Variants in SPON2 observed in about 807,000 individuals in gnomAD.
The protein encoded by SPON2 is spondin-2.
Under a neutral mutation model 29.9 loss-of-function variants are expected in SPON2, and 32 were observed. The ratio of observed to expected loss-of-function variants is 1.07; its 90% CI spans 0.81 to 1.44. The LOEUF (loss-of-function observed/expected upper bound fraction) is 1.44. Ranked by LOEUF, SPON2 falls within the 40% of genes most tolerant of loss-of-function variation. SPON2 has a pLI of 0.00. For missense variants in SPON2, 541 were observed against 455.5 expected (o/e 1.19, Z -1.71); for synonymous variants, 248 against 209.1 (o/e 1.19, Z -1.61).
At chr4:1,172,195 C>T (rs1184034912) in intron 1 of SPON2, 121 bp from the exon 2 acceptor site, 4 of 800,246 alleles carry the variant, frequency 5.0e-6, no homozygotes, top group Admixed American at 2.6e-5. Flanking sequence ...GCGACCCCCT[C>T]CCTGCTCCGC....
At chr4:1,196,838 T>G (rs1728080619), upstream of SPON2, 1 of 152,184 alleles carries the variant, frequency 6.6e-6, no homozygotes, top group African/African-American at 2.4e-5. Context: ...TCATCCATAC[T>G]CATTATCCAG....
rs758980915 is a variant in SPON2 at position 1,171,267 on chromosome 4, G to A, written c.440C>T (p.Ser147Leu). The A allele has an allele frequency of 8.0e-6, 12 of 1,508,260 alleles. No individual in the cohort carries two copies. Among genetic ancestry groups the A allele is most frequent in the Non-Finnish European group, 9.7e-6 (11 of 1,135,930 alleles). 93.4% of individuals were successfully genotyped at this position (1,508,260 alleles called of 1,614,324 possible). ...CCCGGCCGGCCCCGCGCTCACCAGC[G>A]AGTGCCTGCGCTGCACCTCCAGCTC... ...SAELEVQRRH[S>L]LVSFVVRIVP... Residue 147 changes from serine to leucine, a missense_variant, in exon 3 of 6, where the codon TCG (serine) becomes TTG (leucine). Coordinates refer to ENST00000290902, the MANE Select transcript of SPON2 (RefSeq NM_012445.4).
upstream of SPON2, chr4:1,195,186 G>T (rs1728036851): frequency 6.6e-6 from 1 of 152,264 alleles, no homozygotes; most frequent in African/African-American, 2.4e-5. Flanking sequence ...CCTGGGCTCT[G>T]CCCCCACCGC....
chr4:1,184,432 C>T (rs192901632), intron 1 of SPON2, among the ~76,000 whole-genome samples: 68 of 152,106 alleles, frequency 4.5e-4, no homozygotes, highest in African/African-American at 1.6e-3. Flanking sequence ...AAAGGGATTC[C>T]AAGCAAACCA....
At chr4:1,177,913 C>T (rs1197617216), upstream of SPON2, among the ~76,000 whole-genome samples, 2 of 152,212 alleles carry the variant, frequency 1.3e-5, no homozygotes, top group African/African-American at 4.8e-5. Flanking sequence ...GTTTCTGGCT[C>T]CCCCAAGGGA....
intron 1 of SPON2, among the ~76,000 whole-genome samples, chr4:1,182,103 A>T (rs1727710511): frequency 6.6e-6 from 1 of 152,216 alleles, no homozygotes. Flanking sequence ...ACAAAAAGCA[A>T]CAAACCCCAG....
At position 1,189,988 on chromosome 4, in the gene SPON2, TC is replaced by T. The variant is rs1449502837; in HGVS notation, c.-239+5001del. On this transcript the variant is annotated intron_variant, in intron 1 of 3. Coordinates refer to the SPON2 transcript ENST00000502483. ...CTGGGTGACAGAGTGAGACTCCATC[TC>T]AAAAAAAAAAAAAAAAAAGTTGGTT... 1.2e-3 allele frequency among the ~76,000 whole-genome samples: 139 copies of T among 113,750 alleles called. 1 individual carries two copies. Among genetic ancestry groups the T allele is most frequent in the South Asian group, 5.6e-3 (21 of 3,740 alleles). The allele number at this position is 113,750 out of a possible 152,430, so 74.6% of individuals were successfully genotyped here. A position where few individuals can be genotyped will look rare whatever the true frequency, so the allele number is the denominator to read the frequency against.
intron 2 of SPON2, 43 bp from the exon 3 acceptor site, chr4:1,171,529 T>A (rs1225972235): frequency 2.5e-6 from 4 of 1,584,068 alleles, no homozygotes; most frequent in Non-Finnish European, 3.5e-6. Context: ...GGTCAGACAC[T>A]GCGGTCGGGC....
upstream of SPON2, among the ~76,000 whole-genome samples, chr4:1,173,389 GA>G (rs1727524247): frequency 6.6e-6 from 1 of 152,170 alleles, no homozygotes; most frequent in East Asian, 1.9e-4. Context: ...AAGAGCCACA[GA>G]AAGGGGGCCC....
intron 1 of SPON2, among the ~76,000 whole-genome samples, chr4:1,181,779 A>G (rs1383746472): frequency 6.6e-6 from 1 of 152,170 alleles, no homozygotes; most frequent in African/African-American, 2.4e-5. Context: ...TGTCCTTCAG[A>G]TATTTGGGAT....
chr4:1,197,923 C>T (rs1330797387), upstream of SPON2, among the ~76,000 whole-genome samples: 1 of 151,986 alleles, frequency 6.6e-6, no homozygotes, highest in Admixed American at 6.6e-5. Flanking sequence ...TGGTGCGTGC[C>T]CGTAGTCCCA....
rs757648558 is a variant in SPON2 at position 1,171,506 on chromosome 4, C to T, written c.221-20G>A. On this transcript the variant is annotated intron_variant, in intron 2 of 5. Transcript: ENST00000290902. ...CGGCCCCTGCAGGACCACCCGGCCG[C>T]GCCGCGGACCATGGTCAGACACTGC... 2 of 1,602,886 alleles carry T rather than the reference C, an allele frequency of 1.2e-6. No homozygotes were observed. Among genetic ancestry groups the T allele is most frequent in the Non-Finnish European group, 1.7e-6 (2 of 1,172,686 alleles).
At chr4:1,196,029 T>C (rs1212778122), upstream of SPON2, among the ~76,000 whole-genome samples, 2 of 152,134 alleles carry the variant, frequency 1.3e-5, no homozygotes, top group Non-Finnish European at 2.9e-5. Flanking sequence ...GGGTAGTTCC[T>C]GGCACCCTCC....
chr4:1,186,106 T>A (rs113819921), intron 1 of SPON2, among the ~76,000 whole-genome samples: 50 of 149,582 alleles, frequency 3.3e-4, no homozygotes, highest in East Asian at 6.1e-4. Flanking sequence ...TAGCCGGGCG[T>A]GGTGGTGGGC....
chr4:1,169,148 G>A (rs1319253634), intron 5 of SPON2, among the ~76,000 whole-genome samples: 1 of 151,722 alleles, frequency 6.6e-6, no homozygotes, highest in African/African-American at 2.4e-5. Context: ...CCTAGCCCAG[G>A]GCACTGGCCA....
In SPON2 at chr4:1,167,610, C is replaced by T. The variant is rs778901511; in HGVS notation, c.858G>A (p.Trp286Ter). 9 of 1,613,256 alleles carry T rather than the reference C, an allele frequency of 5.6e-6. No homozygotes were observed. The highest frequency in any genetic ancestry group is 6.8e-6 in the Non-Finnish European group (8 of 1,179,828). The change falls in exon 6 of 6, where the codon TGG (tryptophan) becomes TGA (stop). Residue 286 changes from tryptophan to a stop codon, truncating the protein, a stop_gained. Transcript: ENST00000290902. LOFTEE classifies it high-confidence loss of function. ...TCCCACAGTGGCCTCCGCACAGTCC[C>T]CAGGACGACCACAGGGAGACCTCGC... is the stretch of plus-strand genomic sequence containing the variant. ...LDCEVSLWSS[W>*]GLCGGHCGRL...
intron 1 of SPON2, among the ~76,000 whole-genome samples, chr4:1,203,978 C>G (rs1728277768): frequency 6.6e-6 from 1 of 152,144 alleles, no homozygotes. Context: ...TCAAGCAATT[C>G]TCTTGCCTCT....
At chr4:1,172,947 C>T (rs1445045322), upstream of SPON2, 1 of 135,504 alleles carries the variant, frequency 7.4e-6, no homozygotes, top group Non-Finnish European at 1.6e-5. Context: ...CTGTCCTCCT[C>T]CCTCTCCCCG....
chr4:1,173,776 C>T (rs1270948666), upstream of SPON2, among the ~76,000 whole-genome samples: 1 of 152,214 alleles, frequency 6.6e-6, no homozygotes, highest in African/African-American at 2.4e-5. Flanking sequence ...ATGATCTAAC[C>T]TGTATTTTAA....
Sources: gnomAD v4.1 joint callset for allele counts (sites outside exome capture counted in the v4.1 genomes callset) on GRCh38, gnomAD v4.1.1 for gene constraint, MANE v1.5 for transcripts, NCBI Gene and HGNC (gene_info 2026-07-23, HGNC 2026-07-21) for gene names.